The following TMC1 variants were observed in gnomAD, a reference collection of about 807,000 sequenced individuals.
The protein encoded by TMC1 is transmembrane channel like 1.
TMC1 carries 84 observed loss-of-function variants against 105.8 expected under a neutral mutation model. The observed-to-expected ratio is 0.79, with a 90% CI of 0.67 to 0.95. The LOEUF (loss-of-function observed/expected upper bound fraction) is 0.95. Ranked by LOEUF, TMC1 falls within the 40% of genes least tolerant of loss-of-function variation. The pLI is 0.00. For synonymous variants in TMC1, 315 were observed against 311.5 expected (o/e 1.01, Z -0.12); for missense variants, 817 against 914.1 (o/e 0.89, Z 1.37).
chr9:72,819,016 C>T (rs545807449), intron 19 of TMC1, among the ~76,000 whole-genome samples: 10 of 152,252 alleles, frequency 6.6e-5, no homozygotes, highest in South Asian at 4.1e-4. Flanking sequence ...TTTTGAATTA[C>T]GTGCAAAATT....
intron 9 of TMC1, 24 bp downstream of exon 9, chr9:72,740,233 G>C (rs1224350884): frequency 6.3e-7 from 1 of 1,599,626 alleles, no homozygotes; most frequent in Non-Finnish European, 8.6e-7. Flanking sequence ...TAGTTGTCTG[G>C]TTTATGGCAT....
chr9:72,576,345 C>T (rs1414227515), intron 1 of TMC1, among the ~76,000 whole-genome samples: 1 of 152,002 alleles, frequency 6.6e-6, no homozygotes, highest in Non-Finnish European at 1.5e-5. Context: ...CCTCCTCTTT[C>T]TCCCTTCCTT....
At position 72,723,322 on chromosome 9, in the gene TMC1, T is replaced by G. The variant is rs562256955; in HGVS notation, c.363-16797T>G. Among the ~76,000 whole-genome samples the G allele has an allele frequency of 5.9e-5, 9 of 152,314 alleles. No homozygotes were observed. In the South Asian group the frequency reaches 1.9e-3, roughly 32 times the overall value. ...TCCTCTTCTGCTCATTTCTCTCTTT[T>G]TAAATTTTATCATAAAGTGGAACAC... On this transcript the variant is annotated intron_variant, in intron 8 of 23. Transcript: ENST00000297784.
intron 4 of TMC1, among the ~76,000 whole-genome samples, chr9:72,646,203 T>G (rs1441931550): frequency 6.6e-6 from 1 of 152,182 alleles, no homozygotes; most frequent in Non-Finnish European, 1.5e-5. Flanking sequence ...TTTGTTATTG[T>G]TATTCTATTA....
chr9:72,736,833 C>A (rs1827306443), intron 8 of TMC1, among the ~76,000 whole-genome samples: 2 of 152,024 alleles, frequency 1.3e-5, no homozygotes, highest in South Asian at 4.1e-4. Flanking sequence ...AATAAAAACA[C>A]ATTTTACTAA....
intron 1 of TMC1, among the ~76,000 whole-genome samples, chr9:72,543,135 C>T (rs1823706280): frequency 6.6e-6 from 1 of 152,156 alleles, no homozygotes; most frequent in South Asian, 2.1e-4. Flanking sequence ...AGCCTTGACA[C>T]AGTGATTTTT....
chr9:72,717,996 C>A (rs1455711405), intron 8 of TMC1, among the ~76,000 whole-genome samples: 1 of 152,000 alleles, frequency 6.6e-6, no homozygotes, highest in Non-Finnish European at 1.5e-5. Flanking sequence ...TTTTAAAATT[C>A]TTTTACTTTC....
intron 1 of TMC1, among the ~76,000 whole-genome samples, chr9:72,563,697 G>A (rs573035295): frequency 4.6e-4 from 70 of 152,000 alleles, no homozygotes; most frequent in Non-Finnish European, 7.5e-4. Context: ...CCAGGAGCTC[G>A]AGACCAGCCT....
At chr9:72,625,368 G>A (rs1825328452) in intron 3 of TMC1, among the ~76,000 whole-genome samples, 2 of 152,136 alleles carry the variant, frequency 1.3e-5, no homozygotes, top group South Asian at 4.1e-4. Context: ...TTTGGGCTTT[G>A]GTTGGGTGAT....
intron 1 of TMC1, among the ~76,000 whole-genome samples, chr9:72,549,590 G>A (rs1389133079): frequency 1.3e-5 from 2 of 148,472 alleles, no homozygotes; most frequent in African/African-American, 2.5e-5. Flanking sequence ...TTACAGGCAC[G>A]TACCACCACA....
intron 2 of TMC1, among the ~76,000 whole-genome samples, chr9:72,602,074 T>G (rs746945647): frequency 2.7e-4 from 41 of 152,152 alleles, no homozygotes; most frequent in Admixed American, 1.1e-3. Context: ...GGTGTGGAAT[T>G]TTCTACTGTG....
At chr9:72,582,489 G>A (rs752105282) in intron 2 of TMC1, among the ~76,000 whole-genome samples, 9 of 152,168 alleles carry the variant, frequency 5.9e-5, no homozygotes, top group Non-Finnish European at 1.2e-4. Context: ...GTATCCAGGA[G>A]CAGATCTACT....
At chr9:72,552,445 C>A (rs1823873624) in intron 1 of TMC1, among the ~76,000 whole-genome samples, 1 of 152,076 alleles carries the variant, frequency 6.6e-6, no homozygotes, top group South Asian at 2.1e-4. Context: ...GACCGACTAA[C>A]CTTCTGAGCT....
chr9:72,650,952 T>C (rs1187791120), intron 5 of TMC1, among the ~76,000 whole-genome samples: 1 of 106,118 alleles, frequency 9.4e-6, no homozygotes, highest in Non-Finnish European at 1.9e-5. Context: ...ATATGTCACA[T>C]ATATATATCA....
At chr9:72,729,387 A>G (rs952740763) in intron 8 of TMC1, among the ~76,000 whole-genome samples, 3 of 152,086 alleles carry the variant, frequency 2.0e-5, no homozygotes, top group African/African-American at 4.8e-5. Context: ...TGTACATGCA[A>G]TTCTCTTTTT....
intron 1 of TMC1, among the ~76,000 whole-genome samples, chr9:72,532,480 G>C (rs895389661): frequency 7.3e-6 from 1 of 136,824 alleles, no homozygotes; most frequent in African/African-American, 2.8e-5. Context: ...GGCAGAGGTT[G>C]CAGTGAGCCG....
At chr9:72,537,524 G>T (rs1823605027) in intron 1 of TMC1, among the ~76,000 whole-genome samples, 1 of 152,124 alleles carries the variant, frequency 6.6e-6, no homozygotes, top group South Asian at 2.1e-4. Context: ...ATTAAAAGCA[G>T]TGTAAACCAA....
intron 23 of TMC1, among the ~76,000 whole-genome samples, chr9:72,831,773 T>C (rs910651490): frequency 6.6e-6 from 1 of 152,090 alleles, no homozygotes; most frequent in African/African-American, 2.4e-5. Flanking sequence ...GAACTCATCA[T>C]TTTTTATGGC....
chr9:72,539,431 T>G (rs554487034), intron 1 of TMC1, among the ~76,000 whole-genome samples: 1 of 151,786 alleles, frequency 6.6e-6, no homozygotes, highest in Non-Finnish European at 1.5e-5. Flanking sequence ...CAAAACAAAA[T>G]TTCCGCCAGA....
Sources: allele counts gnomAD v4.1 joint callset (sites outside exome capture counted in the v4.1 genomes callset), GRCh38; gene constraint gnomAD v4.1.1; transcripts MANE v1.5; gene names NCBI Gene and HGNC (gene_info 2026-07-23, HGNC 2026-07-21).